The following SPG11 variants were observed in gnomAD, a reference collection of about 807,000 sequenced individuals.
SPG11 encodes spatacsin.
In SPG11, 222 loss-of-function variants were observed where a neutral mutation model predicts 274.0. That is an observed-to-expected ratio of 0.81 (90% confidence interval 0.73 to 0.91). The LOEUF (loss-of-function observed/expected upper bound fraction) is 0.91. SPG11 is among the 40% of genes least tolerant of loss of function. The pLI is 0.00. For synonymous variants in SPG11, 1,144 were observed against 1,039.7 expected (o/e 1.10, Z -1.93); for missense variants, 3,114 against 2,872.7 (o/e 1.08, Z -1.92).
intron 30 of SPG11, among the ~76,000 whole-genome samples, chr15:44,581,595 A>AT (rs1280868432): frequency 6.7e-6 from 1 of 149,862 alleles, no homozygotes; most frequent in Non-Finnish European, 1.5e-5. Context: ...AAAACTGATT[A>AT]TTAAAAAAAA....
In SPG11 at chr15:44,663,432, G is replaced by A; in HGVS notation, c.216C>T (p.Ser72=). 1 of 1,603,924 alleles carries A rather than the reference G, an allele frequency of 6.2e-7. No homozygotes were observed. ...SLQVLSLTPG[S]RGGGRCCLEG... ...CCAGGCAGCAGCGACCCCCGCCCCG[G>A]CTGCCAGGCGTCAAAGAAAGCACTT... Residue 72 remains serine (S), a synonymous_variant, in exon 1 of 40, where the codon AGC becomes AGT. Transcript: ENST00000261866.
chr15:44,565,817 G>A (rs781617991), intron 38 of SPG11, 37 bp downstream of exon 38: 16 of 1,612,602 alleles, frequency 9.9e-6, no homozygotes, highest in Non-Finnish European at 1.4e-5. Flanking sequence ...GAGAGAGGAT[G>A]CTAGCAGTGC....
chr15:44,576,218 T>C (rs907593569), intron 30 of SPG11, among the ~76,000 whole-genome samples: 1 of 150,812 alleles, frequency 6.6e-6, no homozygotes. Flanking sequence ...GGGTTTCTAT[T>C]AGGAAAAAAA....
At chr15:44,567,689 C>A (rs2082338416) in intron 35 of SPG11, 97 bp from the exon 36 acceptor site, 2 of 1,317,192 alleles carry the variant, frequency 1.5e-6, no homozygotes, top group Non-Finnish European at 2.2e-6. Flanking sequence ...CTTAAAAACT[C>A]CCAAGAAGAA....
intron 4 of SPG11, among the ~76,000 whole-genome samples, chr15:44,656,249 A>C (rs1482749820): frequency 6.6e-6 from 1 of 152,242 alleles, no homozygotes; most frequent in Non-Finnish European, 1.5e-5. Flanking sequence ...AAAGGTACTA[A>C]GTGTGAACCT....
At chr15:44,651,338 T>C (rs757394887) in intron 6 of SPG11, among the ~76,000 whole-genome samples, 153 bp downstream of exon 6, 4 of 152,156 alleles carry the variant, frequency 2.6e-5, no homozygotes, top group Non-Finnish European at 5.9e-5. Context: ...GCCAAACATA[T>C]GAGACACTAT....
Position 44,613,545 on chromosome 15 carries a change from AAAAC to A in SPG11, c.3039-13_3039-10del. On this transcript the variant is annotated splice_polypyrimidine_tract_variant and intron_variant, in intron 16 of 39. Coordinates refer to ENST00000261866, the MANE Select transcript of SPG11 (RefSeq NM_025137.4). ...AATTTTCAGGACTAAGTCTGTATAT[AAAAC>A]AAACAAAAACCTTCTTTGATTAACA... 1 of 1,538,388 alleles carries A rather than the reference AAAAC, an allele frequency of 6.5e-7. No individual in the cohort carries two copies.
rs312262755 is a variant in SPG11 at position 44,600,488 on chromosome 15, T to TA, written c.3664_3665insT (p.Lys1222IlefsTer15). Reference sequence around the variant, plus strand: ...TCACAGCTGCTTGGGAGTCTTGCTCTTGATTAATTCCTGGACCAGAAAAGT... The same window carrying TA: ...TCACAGCTGCTTGGGAGTCTTGCTCTATGATTAATTCCTGGACCAGAAAAGT... On this transcript the variant is annotated frameshift_variant, in exon 21 of 40. Coordinates refer to ENST00000261866, the MANE Select transcript of SPG11 (RefSeq NM_025137.4). LOFTEE classifies it high-confidence loss of function. 31 of 1,613,986 alleles carry TA rather than the reference T, an allele frequency of 1.9e-5. No individual in the cohort carries two copies. The highest frequency in any genetic ancestry group is 2.5e-5 in the Non-Finnish European group (29 of 1,180,008).
In SPG11 at chr15:44,628,816, C is replaced by A; in HGVS notation, c.1920G>T (p.Val640=). 1 of 1,613,532 alleles carries A rather than the reference C, an allele frequency of 6.2e-7. No homozygotes were observed. Among genetic ancestry groups the A allele is most frequent in the East Asian group, 2.2e-5 (1 of 44,832 alleles). The change falls in exon 10 of 40, where the codon GTG becomes GTT. Residue 640 remains valine (V), a synonymous_variant. Transcript: ENST00000261866. ...CATTAATGTAGCTAGTCAAAATGTTCACTCCTTTTTGCAGATGTTCATCTA... is the reference window on the plus strand; with the variant it reads ...CATTAATGTAGCTAGTCAAAATGTTAACTCCTTTTTGCAGATGTTCATCTA... ...EELDEHLQKG[V]NILTSYINEL... is the part of the protein sequence containing the mutation.
chr15:44,646,883 T>A (rs539758483), intron 7 of SPG11, among the ~76,000 whole-genome samples: 1 of 152,118 alleles, frequency 6.6e-6, no homozygotes, highest in Non-Finnish European at 1.5e-5. Flanking sequence ...ACTATGCTTA[T>A]TACCTGAGTG....
At chr15:44,570,184 A>G (rs1401814946) in intron 34 of SPG11, among the ~76,000 whole-genome samples, 1 of 152,188 alleles carries the variant, frequency 6.6e-6, no homozygotes, top group Non-Finnish European at 1.5e-5. Flanking sequence ...GACTTACTTC[A>G]ATTCAGAGAT....
At chr15:44,613,090 G>A (rs753816285) in intron 17 of SPG11, among the ~76,000 whole-genome samples, 8 of 152,172 alleles carry the variant, frequency 5.3e-5, no homozygotes, top group African/African-American at 1.9e-4. Context: ...CTGGAAGACA[G>A]ACCACTTCTT....
rs1362636943 is a variant in SPG11 at position 44,615,566 on chromosome 15, C to T, written c.2835G>A (p.Arg945=). ...MRNEILDKLA[R]NGVFLASELE... ...GTTCAGATGCCAAAAAAACCCCATT[C>T]CTATGGACAGATTTATAGGATGTCA... is the stretch of plus-strand genomic sequence containing the variant. Residue 945 remains arginine (R), a splice_region_variant and synonymous_variant, in exon 16 of 40, where the codon AGG becomes AGA. Coordinates refer to ENST00000261866, the MANE Select transcript of SPG11 (RefSeq NM_025137.4). The T allele has an allele frequency of 1.2e-6, 2 of 1,613,782 alleles. No homozygotes were observed. Among genetic ancestry groups the T allele is most frequent in the South Asian group, 2.2e-5 (2 of 91,052 alleles).
chr15:44,596,456 C>T, intron 24 of SPG11, 101 bp from the exon 25 acceptor site: 3 of 1,306,846 alleles, frequency 2.3e-6, no homozygotes, highest in Non-Finnish European at 2.2e-6. Flanking sequence ...GCTTTCTCAC[C>T]CTGAACTAAG....
rs776330802 is a variant in SPG11, at chr15:44,595,360, C to A, written c.4534G>T (p.Asp1512Tyr). Residue 1512 changes from aspartate to tyrosine, a missense_variant, in exon 26 of 40, where the codon GAC becomes TAC. Asp to Tyr is a radical substitution (Grantham distance 160, BLOSUM62 -3). Coordinates refer to ENST00000261866, the MANE Select transcript of SPG11 (RefSeq NM_025137.4). ...AMGHIQDSTE[D>Y]HTWNLEDLSV... The stretch of plus-strand genomic sequence containing the variant: ...AGATCCTCAAGGTTCCAGGTATGGT[C>A]CTCTGTTGAGTCCTGAATGTGTCCC... The A allele has an allele frequency of 1.9e-6, 3 of 1,614,086 alleles. No individual in the cohort carries two copies. Among genetic ancestry groups the A allele is most frequent in the African/African-American group, 2.7e-5 (2 of 74,936 alleles).
In SPG11 at chr15:44,563,254, T is replaced by C; in HGVS notation, c.7199A>G (p.Lys2400Arg). ...AACATCTTCACAATATGTGAGTAAT[T>C]TCTTCAGGTTTTCCATGACCATGTC... ...PTDMVMENLK[K>R]LLTYCEDVYL... Residue 2400 changes from lysine to arginine, a missense_variant, in exon 40 of 40, where the codon AAA (lysine) becomes AGA (arginine). By Grantham distance (26) the Lys-to-Arg change is conservative (BLOSUM62 2). Transcript: ENST00000261866. 1.9e-6 allele frequency: 3 copies of C among 1,614,094 alleles called. No homozygotes were observed. Among genetic ancestry groups the C allele is most frequent in the Non-Finnish European group, 2.5e-6 (3 of 1,179,918 alleles).
intron 11 of SPG11, among the ~76,000 whole-genome samples, chr15:44,623,831 G>C (rs1012806253): frequency 7.2e-5 from 11 of 151,980 alleles, no homozygotes; most frequent in African/African-American, 2.7e-4. Flanking sequence ...TGTGATCTCA[G>C]GTCACTGCAA....
chr15:44,637,219 A>G (rs1017602868), intron 7 of SPG11, among the ~76,000 whole-genome samples: 1 of 152,210 alleles, frequency 6.6e-6, no homozygotes, highest in African/African-American at 2.4e-5. Context: ...CAATGTACCA[A>G]CGTCTCATAG....
intron 7 of SPG11, among the ~76,000 whole-genome samples, chr15:44,634,038 T>C (rs963517969): frequency 7.2e-5 from 11 of 152,002 alleles, no homozygotes; most frequent in African/African-American, 2.7e-4. Flanking sequence ...AGGGTTTCAC[T>C]GTGTTGGCCA....
Sources: allele counts gnomAD v4.1 joint callset (sites outside exome capture counted in the v4.1 genomes callset), GRCh38; gene constraint gnomAD v4.1.1; transcripts MANE v1.5; gene names NCBI Gene and HGNC (gene_info 2026-07-23, HGNC 2026-07-21).